Variants in EPM2A observed in about 807,000 individuals in gnomAD.
EPM2A encodes laforin.
EPM2A carries 21 observed loss-of-function variants against 26.5 expected under a neutral mutation model. That is an observed-to-expected ratio of 0.79 (90% CI 0.56 to 1.14). The LOEUF (loss-of-function observed/expected upper bound fraction) is 1.14. EPM2A is among the 50% of genes most tolerant of loss of function. The pLI is 0.00. For missense variants in EPM2A, 458 were observed against 440.8 expected, an observed-to-expected ratio of 1.04 and a Z score of -0.35; for synonymous variants, 217 against 177.6, an observed-to-expected ratio of 1.22 and a Z score of -1.76.
intron 2 of EPM2A, among the ~76,000 whole-genome samples, chr6:145,642,745 G>A (rs939492790): frequency 1.3e-5 from 2 of 152,140 alleles, no homozygotes; most frequent in Admixed American, 1.3e-4. Flanking sequence ...TTTTTAAAGC[G>A]AGAGTCAGGT....
intron 2 of EPM2A, among the ~76,000 whole-genome samples, chr6:145,571,311 T>C (rs1464652555): frequency 3.3e-5 from 5 of 152,216 alleles, no homozygotes; most frequent in Non-Finnish European, 5.9e-5. Flanking sequence ...ATTCCACTTT[T>C]CTATCAATCC....
At chr6:145,594,880 G>A (rs571460011) in intron 2 of EPM2A, among the ~76,000 whole-genome samples, 1 of 151,736 alleles carries the variant, frequency 6.6e-6, no homozygotes, top group East Asian at 1.9e-4. Context: ...GGTTTACATA[G>A]TGAGGATTTA....
intron 4 of EPM2A, among the ~76,000 whole-genome samples, chr6:145,451,979 TTCA>T (rs1266314630): frequency 1.3e-5 from 2 of 152,168 alleles, no homozygotes; most frequent in Non-Finnish European, 2.9e-5. Flanking sequence ...TCAACTCCTC[TTCA>T]TCATTGTTTT....
intron 4 of EPM2A, among the ~76,000 whole-genome samples, chr6:145,389,191 C>T (rs764438224): frequency 1.3e-5 from 2 of 151,176 alleles, no homozygotes; most frequent in Non-Finnish European, 2.9e-5. Flanking sequence ...TCAAAGCATT[C>T]ATCATCTTTT....
intron 2 of EPM2A, among the ~76,000 whole-genome samples, chr6:145,646,415 T>A (rs1215145781): frequency 2.0e-5 from 3 of 151,820 alleles, no homozygotes; most frequent in East Asian, 1.9e-4. Flanking sequence ...TGACCTTGTG[T>A]TCTGCCCACC....
At chr6:145,472,820 A>G (rs1404994953) in intron 4 of EPM2A, among the ~76,000 whole-genome samples, 1 of 152,204 alleles carries the variant, frequency 6.6e-6, no homozygotes, top group Non-Finnish European at 1.5e-5. Flanking sequence ...CAAGTCTGCA[A>G]GAACCACAGT....
intron 4 of EPM2A, among the ~76,000 whole-genome samples, chr6:145,413,804 C>T (rs141720785): frequency 2.7e-4 from 41 of 152,282 alleles, no homozygotes; most frequent in African/African-American, 7.9e-4. Context: ...AAAAACTCCT[C>T]GCAAGTAGAC....
chr6:145,706,146 T>C (rs1333885717), intron 1 of EPM2A, among the ~76,000 whole-genome samples: 1 of 152,176 alleles, frequency 6.6e-6, no homozygotes, highest in African/African-American at 2.4e-5. Flanking sequence ...GTTCTGGACA[T>C]AGTACTTTAT....
At chr6:145,412,077 T>G (rs1406601706) in intron 4 of EPM2A, among the ~76,000 whole-genome samples, 1 of 151,542 alleles carries the variant, frequency 6.6e-6, no homozygotes, top group Non-Finnish European at 1.5e-5. Context: ...ATTGGCCGGG[T>G]GCGGTGGCAG....
At chr6:145,603,148 T>C (rs1252156403) in intron 2 of EPM2A, among the ~76,000 whole-genome samples, 2 of 152,148 alleles carry the variant, frequency 1.3e-5, no homozygotes, top group African/African-American at 4.8e-5. Flanking sequence ...GCAGTGGAAA[T>C]GACAGCATCT....
chr6:145,483,473 A>C (rs1490733827), intron 4 of EPM2A, among the ~76,000 whole-genome samples: 1 of 152,082 alleles, frequency 6.6e-6, no homozygotes, highest in Non-Finnish European at 1.5e-5. Context: ...TAAGGAGGTA[A>C]ATCATCAATC....
intron 4 of EPM2A, among the ~76,000 whole-genome samples, chr6:145,465,894 T>G (rs1014796068): frequency 6.6e-6 from 1 of 152,062 alleles, no homozygotes; most frequent in Admixed American, 6.6e-5. Context: ...GGGAAAGGAT[T>G]CCCTATTTAA....
intron 2 of EPM2A, among the ~76,000 whole-genome samples, chr6:145,584,453 G>A (rs919477059): frequency 2.0e-5 from 3 of 152,148 alleles, no homozygotes; most frequent in African/African-American, 7.2e-5. Flanking sequence ...TCTTCCAAAG[G>A]CTAACGCCAC....
chr6:145,494,409 T>C (rs2114744463), intron 4 of EPM2A, among the ~76,000 whole-genome samples: 1 of 152,306 alleles, frequency 6.6e-6, no homozygotes, highest in Middle Eastern at 3.4e-3. Context: ...AGTCTACCTA[T>C]TTAATTATTT....
At chr6:145,417,512 A>C (rs1375663693) in intron 4 of EPM2A, among the ~76,000 whole-genome samples, 1 of 152,180 alleles carries the variant, frequency 6.6e-6, no homozygotes, top group Non-Finnish European at 1.5e-5. Context: ...GCATTAATAT[A>C]TGCAGGCAGG....
chr6:145,680,612 A>G (rs905787697), intron 2 of EPM2A, among the ~76,000 whole-genome samples: 2 of 151,820 alleles, frequency 1.3e-5, no homozygotes, highest in East Asian at 1.9e-4. Context: ...TCATTGTTCA[A>G]TTCCCACCTA....
At chr6:145,519,282 C>T (rs1405546498) in intron 2 of EPM2A, among the ~76,000 whole-genome samples, 7 of 152,086 alleles carry the variant, frequency 4.6e-5, no homozygotes, top group Non-Finnish European at 1.0e-4. Context: ...GAAACCTTCT[C>T]TATTTGATGC....
chr6:145,530,756 T>G (rs1304405703), intron 2 of EPM2A, among the ~76,000 whole-genome samples: 1 of 152,084 alleles, frequency 6.6e-6, no homozygotes, highest in Non-Finnish European at 1.5e-5. Flanking sequence ...TTAACCATAA[T>G]AAAATGTGAT....
chr6:145,587,475 C>A (rs1165749853), intron 2 of EPM2A, among the ~76,000 whole-genome samples: 1 of 152,108 alleles, frequency 6.6e-6, no homozygotes, highest in East Asian at 1.9e-4. Context: ...TATTGAGAAA[C>A]AAGTTGCAGA....
Sources: allele counts gnomAD v4.1 joint callset (sites outside exome capture counted in the v4.1 genomes callset), GRCh38; gene constraint gnomAD v4.1.1; transcripts MANE v1.5; gene names NCBI Gene and HGNC (gene_info 2026-07-23, HGNC 2026-07-21).